The following DGAT2L6 variants were observed in gnomAD, a reference collection of about 807,000 sequenced individuals.
The protein encoded by DGAT2L6 is diacylglycerol O-acyltransferase 2-like protein 6.
A neutral mutation model predicts 25.5 loss-of-function variants in DGAT2L6; 22 were observed. The observed-to-expected ratio is 0.86, with a 90% CI of 0.62 to 1.23. The LOEUF is 1.23. DGAT2L6 is among the 50% of genes most tolerant of loss of function. DGAT2L6 has a pLI of 0.00. For missense variants in DGAT2L6, 287 were observed against 253.2 expected (o/e 1.13, Z -0.91); for synonymous variants, 100 against 94.7 (o/e 1.06, Z -0.32).
At position 70,178,497 on chromosome X, in the gene DGAT2L6, G is replaced by T. The variant is rs757694725; in HGVS notation, c.85+830G>T. Among the ~76,000 whole-genome samples, 5 of 110,934 alleles carry T rather than the reference G, an allele frequency of 4.5e-5. 1 individual carries two copies. The highest frequency in any genetic ancestry group is 7.5e-5 in the Non-Finnish European group (4 of 53,006). On this transcript the variant is annotated intron_variant, in intron 1 of 6. Coordinates refer to ENST00000333026, the MANE Select transcript of DGAT2L6 (RefSeq NM_198512.3). Reference sequence around the variant, plus strand: ...TTGTCGCCCAGGCTGGAGTGCAAACGGCAAACGGGCTGACAGCTCCAAGAT... The same window carrying T: ...TTGTCGCCCAGGCTGGAGTGCAAACTGCAAACGGGCTGACAGCTCCAAGAT...
chrX:70,193,396 T>C (rs143592831), intron 1 of DGAT2L6, among the ~76,000 whole-genome samples: 4 of 110,983 alleles, frequency 3.6e-5, no homozygotes, highest in South Asian at 7.6e-4. Context: ...AAACTCCTTT[T>C]ACAATGCAAG....
In DGAT2L6 at chrX:70,204,468, C is replaced by T. The variant is rs964106608; in HGVS notation, c.811C>T (p.Arg271Cys). Residue 271 changes from arginine (R) to cysteine (C), a missense_variant, in exon 6 of 7, where the codon CGC becomes TGC. Transcript: ENST00000333026. ...TACCTTCCATGGCCGGGGCTTCACT[C>T]GCGGATCCTGGGGCTTCCTGCCTTT... ...FCTFHGRGFT[R>C]GSWGFLPFNR... 10 of 1,211,374 alleles carry T rather than the reference C, an allele frequency of 8.3e-6. No individual in the cohort carries two copies. Among genetic ancestry groups the T allele is most frequent in the East Asian group, 5.9e-5 (2 of 33,825 alleles).
At chrX:70,200,132 A>C in intron 3 of DGAT2L6, 123 bp from the exon 4 acceptor site, 2 of 715,504 alleles carry the variant, frequency 2.8e-6, no homozygotes, top group Non-Finnish European at 4.2e-6. Context: ...CAATGATGAC[A>C]ACCTAGTGAA....
chrX:70,195,230 G>A (rs918399084), intron 1 of DGAT2L6, among the ~76,000 whole-genome samples: 8 of 111,537 alleles, frequency 7.2e-5, no homozygotes, highest in African/African-American at 2.6e-4. Flanking sequence ...TTATCAAAAA[G>A]ACAAATGGTA....
intron 1 of DGAT2L6, 124 bp downstream of exon 1, chrX:70,177,791 T>C (rs763078262): frequency 1.9e-5 from 11 of 587,065 alleles, no homozygotes; most frequent in East Asian, 1.1e-4. Flanking sequence ...AGGATCTGGC[T>C]GGCACAAAGG....
intron 3 of DGAT2L6, 83 bp from the exon 4 acceptor site, chrX:70,200,172 T>C (rs2085405019): frequency 1.0e-6 from 1 of 976,022 alleles, no homozygotes; most frequent in South Asian, 2.1e-5. Context: ...GAGGGAAACA[T>C]AGGCTACCTG....
At chrX:70,198,347 TTTG>T (rs1290553329) in intron 1 of DGAT2L6, among the ~76,000 whole-genome samples, 1 of 111,977 alleles carries the variant, frequency 8.9e-6, no homozygotes, top group Non-Finnish European at 1.9e-5. Context: ...TAAAGTGTTT[TTTG>T]TTGTTGTTGT....
chrX:70,205,048 T>C lies in DGAT2L6; in HGVS notation c.956T>C (p.Phe319Ser). 1 of 1,206,695 alleles carries C rather than the reference T, an allele frequency of 8.3e-7. No homozygotes were observed. Among genetic ancestry groups the C allele is most frequent in the Non-Finnish European group, 1.1e-6 (1 of 893,474 alleles). The change falls in exon 7 of 7, where the codon TTT becomes TCT. Residue 319 changes from phenylalanine (F) to serine (S), a missense_variant. By Grantham distance (155) the Phe-to-Ser change is radical. Coordinates refer to ENST00000333026, the MANE Select transcript of DGAT2L6 (RefSeq NM_198512.3). ...ALYISALRKL[F>S]DQHKVEYGLP... ...TACATCAGTGCCCTGCGCAAGCTCT[T>C]TGACCAACACAAAGTTGAATATGGC...
chrX:70,202,149 C>CCATT, intron 5 of DGAT2L6, 85 bp downstream of exon 5: 1 of 895,699 alleles, frequency 1.1e-6, no homozygotes, highest in Non-Finnish European at 1.5e-6. Context: ...TCCCTGGGCA[C>CCATT]CTGTTAGAGG....
intron 1 of DGAT2L6, among the ~76,000 whole-genome samples, chrX:70,198,587 G>C (rs1226470708): frequency 1.8e-5 from 2 of 111,104 alleles, no homozygotes; most frequent in Admixed American, 1.9e-4. Context: ...CTGTTGCCCA[G>C]GCTGGAGTGC....
chrX:70,194,016 A>G (rs779442832), intron 1 of DGAT2L6, among the ~76,000 whole-genome samples: 1 of 112,346 alleles, frequency 8.9e-6, no homozygotes, highest in Non-Finnish European at 1.9e-5. Context: ...CCACCAAAAA[A>G]TTGTTAGAAC....
intron 1 of DGAT2L6, among the ~76,000 whole-genome samples, chrX:70,194,239 C>T (rs773505941): frequency 1.4e-4 from 16 of 111,130 alleles, no homozygotes; most frequent in Non-Finnish European, 2.8e-4. Context: ...TGAAAAAAAT[C>T]GAAGAAGCCA....
At position 70,204,626 on chromosome X, in the gene DGAT2L6, G is replaced by A. The variant is rs1300945952; in HGVS notation, c.859+110G>A. The stretch of plus-strand genomic sequence containing the variant: ...CAACTCACATCTGGGATGGGCAATG[G>A]GTGTGGTTAAGAGCAGGGTGGGTAG... On this transcript the variant is annotated intron_variant, in intron 6 of 6. Coordinates refer to ENST00000333026, the MANE Select transcript of DGAT2L6 (RefSeq NM_198512.3). 4.3e-6 allele frequency: 4 copies of A among 928,239 alleles called. No individual in the cohort carries two copies. In the Admixed American group the frequency reaches 8.7e-5, roughly 20 times the overall value. The allele number at this position is 928,239 out of a possible 1,213,427, so 76.5% of individuals were successfully genotyped here.
In DGAT2L6 at chrX:70,201,863, C is replaced by G. The variant is rs370823085; in HGVS notation, c.473-27C>G. The G allele has an allele frequency of 1.1e-3, 1,274 of 1,136,701 alleles. 1 individual carries two copies. The highest frequency in any genetic ancestry group is 1.3e-3 in the Non-Finnish European group (1,160 of 861,185). The allele number at this position is 1,136,701 out of a possible 1,213,427, so 93.7% of individuals were successfully genotyped here. On this transcript the variant is annotated intron_variant, in intron 4 of 6. Transcript: ENST00000333026. Reference sequence around the variant, plus strand: ...CCCCATCCTCAGGAATGAAGTTTTTCTACCACTTGACTCTTTGGTTTCACA... The same window carrying G: ...CCCCATCCTCAGGAATGAAGTTTTTGTACCACTTGACTCTTTGGTTTCACA...
At chrX:70,179,125 G>A (rs1375063027) in intron 1 of DGAT2L6, among the ~76,000 whole-genome samples, 2 of 111,899 alleles carry the variant, frequency 1.8e-5, no homozygotes, top group Admixed American at 9.5e-5. Flanking sequence ...AGGGTCCATG[G>A]CTTCACCAGA....
intron 4 of DGAT2L6, 59 bp from the exon 5 acceptor site, chrX:70,201,831 C>A (rs2085411437): frequency 1.8e-6 from 2 of 1,083,146 alleles, no homozygotes; most frequent in Non-Finnish European, 1.2e-6. Context: ...CCTGGGAAAA[C>A]CCCTTACCCC....
intron 1 of DGAT2L6, among the ~76,000 whole-genome samples, chrX:70,189,738 C>T (rs2085370129): frequency 8.9e-6 from 1 of 112,064 alleles, no homozygotes; most frequent in Non-Finnish European, 1.9e-5. Context: ...GTTGTAATCT[C>T]TGTGATGTAT....
At chrX:70,182,784 G>C (rs1288190578) in intron 1 of DGAT2L6, among the ~76,000 whole-genome samples, 1 of 111,737 alleles carries the variant, frequency 8.9e-6, no homozygotes, top group Non-Finnish European at 1.9e-5. Flanking sequence ...CTCCCGAGTA[G>C]CTGGGACTAC....
chrX:70,204,446 C>G lies in DGAT2L6; in HGVS notation c.789C>G (p.Thr263=), dbSNP rs1475295695. The G allele has an allele frequency of 1.7e-6, 2 of 1,209,721 alleles. No homozygotes were observed. Among genetic ancestry groups the G allele is most frequent in the Non-Finnish European group, 2.2e-6 (2 of 895,202 alleles). Reference sequence around the variant, plus strand: ...AAATCCTGGGACTAAATTTCTGTACCTTCCATGGCCGGGGCTTCACTCGCG... The same window carrying G: ...AAATCCTGGGACTAAATTTCTGTACGTTCCATGGCCGGGGCTTCACTCGCG... ...FKKILGLNFC[T]FHGRGFTRGS... Residue 263 remains threonine, a synonymous_variant, in exon 6 of 7, where the codon ACC becomes ACG. Coordinates refer to ENST00000333026, the MANE Select transcript of DGAT2L6 (RefSeq NM_198512.3).
Sources: allele counts gnomAD v4.1 joint callset (sites outside exome capture counted in the v4.1 genomes callset), GRCh38; gene constraint gnomAD v4.1.1; transcripts MANE v1.5; gene names NCBI Gene and HGNC (gene_info 2026-07-23, HGNC 2026-07-21).